Variants in CADM2 observed in about 807,000 individuals in gnomAD.
CADM2 encodes immunoglobulin superfamily member 4D.
A neutral mutation model predicts 49.8 loss-of-function variants in CADM2; 12 were observed. The ratio of observed to expected loss-of-function variants is 0.24; its 90% CI spans 0.15 to 0.39. The LOEUF is 0.39. CADM2 is among the 10% of genes least tolerant of loss of function. CADM2 has a pLI of 1.00. For missense variants in CADM2, 378 were observed against 492.3 expected (o/e 0.77, Z 2.20); for synonymous variants, 214 against 175.4 (o/e 1.22, Z -1.74).
chr3:85,732,509 A>G (rs1014704092), intron 2 of CADM2, among the ~76,000 whole-genome samples: 3 of 152,164 alleles, frequency 2.0e-5, no homozygotes, highest in Non-Finnish European at 4.4e-5. Context: ...CTTTAGGAAG[A>G]TTGCCTTCTA....
chr3:85,256,330 G>C (rs1489895236), intron 1 of CADM2, among the ~76,000 whole-genome samples: 1 of 151,986 alleles, frequency 6.6e-6, no homozygotes, highest in Non-Finnish European at 1.5e-5. Flanking sequence ...CAGCCTGAAA[G>C]ATAAAATAAA....
chr3:85,999,983 T>C (rs1729963719), intron 8 of CADM2, among the ~76,000 whole-genome samples: 1 of 152,170 alleles, frequency 6.6e-6, no homozygotes, highest in Admixed American at 6.5e-5. Context: ...AAAGAGATGT[T>C]GAATATATTG....
intron 1 of CADM2, among the ~76,000 whole-genome samples, chr3:85,430,706 A>G (rs2036623560): frequency 6.6e-6 from 1 of 151,772 alleles, no homozygotes; most frequent in African/African-American, 2.4e-5. Flanking sequence ...GGGTGGGGGC[A>G]TGGGAGAGAT....
chr3:85,223,248 A>G (rs1376267460), intron 1 of CADM2, among the ~76,000 whole-genome samples: 4 of 152,210 alleles, frequency 2.6e-5, no homozygotes, highest in Non-Finnish European at 5.9e-5. Context: ...ATGAAAAAAC[A>G]GGATGTATGT....
chr3:85,934,880 T>C (rs1319074617), intron 6 of CADM2, among the ~76,000 whole-genome samples: 4 of 152,080 alleles, frequency 2.6e-5, no homozygotes, highest in Admixed American at 6.6e-5. Context: ...ATTTTGTTTA[T>C]TGTAGAGAAT....
rs889048679 is a variant in CADM2, at chr3:85,598,882, A to T, written c.62-127640A>T. On this transcript the variant is annotated intron_variant, in intron 1 of 9. Coordinates refer to ENST00000383699, the MANE Select transcript of CADM2 (RefSeq NM_001167675.2). ...ATATATATATATATATAGATTTATT[A>T]TACACACATAGACATATATATCTTT... Among the ~76,000 whole-genome samples the T allele has an allele frequency of 5.9e-5, 9 of 151,874 alleles. No homozygotes were observed. The East Asian group carries it at 1.7e-3, about 29-fold the overall frequency.
chr3:85,190,596 A>G (rs1274872561), intron 1 of CADM2, among the ~76,000 whole-genome samples: 1 of 152,090 alleles, frequency 6.6e-6, no homozygotes, highest in Non-Finnish European at 1.5e-5. Flanking sequence ...CAAAATCAAT[A>G]TTTGCTGAGA....
intron 1 of CADM2, among the ~76,000 whole-genome samples, chr3:85,442,596 A>ATATATG (rs1414106980): frequency 6.0e-5 from 1 of 16,648 alleles, no homozygotes; most frequent in East Asian, 0.018. Context: ...GAGTATATAT[A>ATATATG]TATATATATA....
chr3:85,258,284 A>G (rs1022223717), intron 1 of CADM2, among the ~76,000 whole-genome samples: 2 of 152,102 alleles, frequency 1.3e-5, no homozygotes, highest in Non-Finnish European at 1.5e-5. Flanking sequence ...ATAAAATGCA[A>G]ATTGAAATTT....
At chr3:84,975,527 A>C (rs896833611) in intron 1 of CADM2, among the ~76,000 whole-genome samples, 2 of 151,878 alleles carry the variant, frequency 1.3e-5, no homozygotes, top group East Asian at 3.8e-4. Context: ...AGTTACTCTA[A>C]GAGTTTTAAC....
intron 7 of CADM2, among the ~76,000 whole-genome samples, chr3:85,942,280 C>A (rs1382484037): frequency 6.6e-6 from 1 of 151,672 alleles, no homozygotes; most frequent in Non-Finnish European, 1.5e-5. Flanking sequence ...TAAACATGGA[C>A]AAGAACAACT....
intron 2 of CADM2, among the ~76,000 whole-genome samples, chr3:85,769,692 T>C (rs1459768481): frequency 1.4e-5 from 2 of 138,086 alleles, no homozygotes; most frequent in Admixed American, 7.6e-5. Flanking sequence ...ATATATATGA[T>C]TTGTTCTATA....
chr3:85,113,699 T>G (rs1259315105), intron 1 of CADM2, among the ~76,000 whole-genome samples: 3 of 151,080 alleles, frequency 2.0e-5, no homozygotes, highest in Non-Finnish European at 4.4e-5. Flanking sequence ...TTTTTTTTTT[T>G]GTGCTATAGG....
intron 1 of CADM2, among the ~76,000 whole-genome samples, chr3:85,021,009 T>C (rs2034479451): frequency 6.6e-6 from 1 of 150,898 alleles, no homozygotes; most frequent in Admixed American, 6.6e-5. Flanking sequence ...TGCAGCACTT[T>C]GGGAGGCCAA....
chr3:85,586,509 G>A (rs2107320370), intron 1 of CADM2, among the ~76,000 whole-genome samples: 1 of 152,172 alleles, frequency 6.6e-6, no homozygotes, highest in South Asian at 2.1e-4. Flanking sequence ...TTCCCATTTA[G>A]ATTTCATTAG....
chr3:85,694,262 G>T (rs1246074968), intron 1 of CADM2, among the ~76,000 whole-genome samples: 1 of 152,200 alleles, frequency 6.6e-6, no homozygotes, highest in Non-Finnish European at 1.5e-5. Context: ...GACTGTATTT[G>T]GAGATAGGAC....
chr3:85,683,779 G>T (rs1353702059), intron 1 of CADM2, among the ~76,000 whole-genome samples: 2 of 152,212 alleles, frequency 1.3e-5, no homozygotes, highest in African/African-American at 4.8e-5. Flanking sequence ...AGTGCAAACA[G>T]TGGAAAAGTT....
chr3:85,732,209 C>T (rs1157287577), intron 2 of CADM2, among the ~76,000 whole-genome samples: 2 of 151,222 alleles, frequency 1.3e-5, no homozygotes, highest in South Asian at 4.2e-4. Context: ...TGCAGTGAAC[C>T]GAAATCACAC....
Position 85,934,638 on chromosome 3 carries a change from G to T in CADM2, c.701-1129G>T, listed in dbSNP as rs979969798. Among the ~76,000 whole-genome samples, 6 of 151,956 alleles carry T rather than the reference G, an allele frequency of 3.9e-5. No individual in the cohort carries two copies. In the East Asian group the frequency reaches 9.7e-4, roughly 24 times the overall value. ...AAAAGCATACATAATTTTAAAGTAT[G>T]ATATAAACTATTACATTTTATTTTA... On this transcript the variant is annotated intron_variant, in intron 6 of 9. Transcript: ENST00000383699.
Sources: gnomAD v4.1 joint callset for allele counts (sites outside exome capture counted in the v4.1 genomes callset) on GRCh38, gnomAD v4.1.1 for gene constraint, MANE v1.5 for transcripts, NCBI Gene and HGNC (gene_info 2026-07-23, HGNC 2026-07-21) for gene names.